Variants in NEK9 observed in about 807,000 individuals in gnomAD.
NEK9 encodes serine/threonine-protein kinase Nek9.
NEK9 carries 75 observed loss-of-function variants against 123.4 expected under a neutral mutation model. The observed-to-expected ratio is 0.61, with a 90% CI of 0.50 to 0.74. NEK9 has a LOEUF of 0.74. NEK9 is among the 30% of genes least tolerant of loss of function. The pLI is 0.00. For synonymous variants in NEK9, 438 were observed against 458.7 expected, an observed-to-expected ratio of 0.95 and a Z score of 0.58; for missense variants, 952 against 1,214.4, an observed-to-expected ratio of 0.78 and a Z score of 3.21.
intron 20 of NEK9, 82 bp from the exon 21 acceptor site, chr14:75,087,312 G>T: frequency 1.0e-6 from 1 of 971,110 alleles, no homozygotes. Context: ...AAGTGCAATC[G>T]GATTTTACTT....
Position 75,088,520 on chromosome 14 carries a change from G to A in NEK9, c.2564C>T (p.Ser855Phe). The A allele has an allele frequency of 6.2e-7, 1 of 1,614,082 alleles. No individual in the cohort carries two copies. The highest frequency in any genetic ancestry group is 2.2e-5 in the East Asian group (1 of 44,870). The change falls in exon 20 of 22, where the codon TCT becomes TTT. Residue 855 changes from serine to phenylalanine, a missense_variant. Ser to Phe is a radical substitution (Grantham distance 155). Around this residue, in one of 4 missense-constraint regions of NEK9, gnomAD observed 698 missense variants for 875.6 expected, o/e 0.80. Coordinates refer to ENST00000238616, the MANE Select transcript of NEK9 (RefSeq NM_033116.6). The stretch of plus-strand genomic sequence containing the variant: ...GGGTTTGTGTTCCAAAGGAGCTTCA[G>A]AGGCCACTTTGAGTCCTTGCAGCTC... The part of the protein sequence containing the change: ...YEELQGLKVA[S>F]EAPLEHKPQV...
At position 75,114,236 on chromosome 14, in the gene NEK9, T is replaced by C. The variant is rs1895053947; in HGVS notation, c.840A>G (p.Glu280=). Residue 280 remains glutamate (E), a synonymous_variant, in exon 7 of 22, where the codon GAA becomes GAG. Coordinates refer to ENST00000238616, the MANE Select transcript of NEK9 (RefSeq NM_033116.6). The part of the protein sequence containing the change: ...MEVDSSQYSL[E]LIQMVHSCLD... ...GGCACGAATGAACCATTTGGATCAA[T>C]TCCAAAGAGTACTGGCTAGAGTCAA... 6.2e-7 allele frequency: 1 copy of C among 1,613,864 alleles called. No homozygotes were observed.
intron 8 of NEK9, among the ~76,000 whole-genome samples, chr14:75,112,022 G>A (rs1232340290): frequency 3.3e-5 from 5 of 152,186 alleles, no homozygotes; most frequent in Admixed American, 3.3e-4. Flanking sequence ...AAACATAAAT[G>A]GAAGGTCATG....
chr14:75,105,388 G>T (rs1302194334), intron 13 of NEK9, among the ~76,000 whole-genome samples: 2 of 152,116 alleles, frequency 1.3e-5, no homozygotes, highest in East Asian at 1.9e-4. Flanking sequence ...CCCTCCAATG[G>T]GTAAGCCTGT....
At chr14:75,116,487 T>C in intron 6 of NEK9, 1 of 363,044 alleles carries the variant, frequency 2.8e-6, no homozygotes, top group Non-Finnish European at 5.7e-6. Flanking sequence ...TTTGCATTCT[T>C]TTACACGTTT....
At chr14:75,118,012 T>C (rs752281734) in intron 5 of NEK9, among the ~76,000 whole-genome samples, 1 of 152,188 alleles carries the variant, frequency 6.6e-6, no homozygotes, top group Non-Finnish European at 1.5e-5. Context: ...TCATTCCTTC[T>C]TTGCATTTAA....
At chr14:75,090,891 T>G (rs1208347072) in intron 19 of NEK9, among the ~76,000 whole-genome samples, 1 of 152,236 alleles carries the variant, frequency 6.6e-6, no homozygotes, top group Non-Finnish European at 1.5e-5. Flanking sequence ...TTACTTTCTG[T>G]ATCTCAACTT....
chr14:75,106,548 AACC>A lies in NEK9; in HGVS notation c.1479_1481del (p.Val494del). 6.2e-7 allele frequency: 1 copy of A among 1,614,052 alleles called. No individual in the cohort carries two copies. Among genetic ancestry groups the A allele is most frequent in the South Asian group, 1.1e-5 (1 of 91,072 alleles). ...AATAGACTTCCTTGTTTCGTGTCAG[AACC>A]ACCACATGATTATCTCCACAGGAGA... On this transcript the variant is annotated inframe_deletion, in exon 12 of 22. Transcript: ENST00000238616.
In NEK9 at chr14:75,091,346, T is replaced by G. The variant is rs1444371430; in HGVS notation, c.2366A>C (p.Glu789Ala). 1.2e-6 allele frequency: 2 copies of G among 1,614,108 alleles called. No homozygotes were observed. Among genetic ancestry groups the G allele is most frequent in the Non-Finnish European group, 1.7e-6 (2 of 1,180,016 alleles). ...RGTMEADRGM[E>A]GLISPTEAMG... ...GGCCTCTGTGGGACTGATTAAACCT[T>G]CCATTCCTCGGTCTGCTTCCATTGT... Residue 789 changes from glutamate to alanine, a missense_variant, in exon 19 of 22, where the codon GAA (glutamate) becomes GCA (alanine). Physicochemically the swap from Glu to Ala is moderately radical, Grantham distance 107. Around this residue, in one of 4 missense-constraint regions of NEK9, gnomAD observed 698 missense variants for 875.6 expected, o/e 0.80. Transcript: ENST00000238616.
intron 19 of NEK9, among the ~76,000 whole-genome samples, chr14:75,089,372 C>T (rs555772702): frequency 2.0e-5 from 3 of 151,064 alleles, no homozygotes; most frequent in Admixed American, 6.6e-5. Context: ...GGATTACAAG[C>T]GTGTACCACC....
intron 14 of NEK9, among the ~76,000 whole-genome samples, chr14:75,103,614 G>A (rs1347120539): frequency 6.6e-6 from 1 of 152,112 alleles, no homozygotes; most frequent in African/African-American, 2.4e-5. Context: ...AGTAGCCACA[G>A]TTTTGATTTC....
chr14:75,104,061 C>A, intron 13 of NEK9, 64 bp from the exon 14 acceptor site: 1 of 1,469,430 alleles, frequency 6.8e-7, no homozygotes, highest in South Asian at 1.3e-5. Flanking sequence ...AAAAAGCTCT[C>A]AAATTCTTTC....
intron 18 of NEK9, among the ~76,000 whole-genome samples, chr14:75,093,296 G>C (rs1894277814): frequency 6.6e-6 from 1 of 152,182 alleles, no homozygotes; most frequent in South Asian, 2.1e-4. Context: ...TGCTGAACTA[G>C]AGCATTACCT....
rs1893882080 is a variant in NEK9, at chr14:75,082,090, CATGCACAGGCTTACTG to C, written c.*2458_*2473del. 6.6e-6 allele frequency: 1 copy of C among 152,144 alleles called. No individual in the cohort carries two copies. The highest frequency in any genetic ancestry group is 2.4e-5 in the African/African-American group (1 of 41,436). The allele number at this position is 152,144 out of a possible 1,614,324, so 9.4% of individuals were successfully genotyped here. ...TGTTTTATCCCCAGAGACTAAGGTC[CATGCACAGGCTTACTG>C]AAGCACAGTACTGATTAAGAGCTTA... is the stretch of plus-strand genomic sequence containing the variant. On this transcript the variant is annotated 3_prime_UTR_variant, in exon 22 of 22. Transcript: ENST00000238616.
rs1893830594 is a variant in NEK9 at position 75,080,274 on chromosome 14, G to A, written c.*4290C>T. 1 of 150,430 alleles carries A rather than the reference G, an allele frequency of 6.6e-6. No homozygotes were observed. The highest frequency in any genetic ancestry group is 6.6e-5 in the Admixed American group (1 of 15,062). The allele number at this position is 150,430 out of a possible 1,614,324, so 9.3% of individuals were successfully genotyped here. On this transcript the variant is annotated 3_prime_UTR_variant, in exon 22 of 22. Transcript: ENST00000238616. ...GAACCCAGGAGGCAGAGGTTGCAGT[G>A]AGCTGAGATCGCGCCACTGCACTCC... is the stretch of plus-strand genomic sequence containing the variant.
chr14:75,101,599 G>C lies in NEK9; in HGVS notation c.1840+58C>G. ...TACATATAAAGAAAACCTAATACCT[G>C]ATAGAATAAAAGAGGCTCAGCTACT... On this transcript the variant is annotated intron_variant, in intron 15 of 21. Coordinates refer to ENST00000238616, the MANE Select transcript of NEK9 (RefSeq NM_033116.6). 2.5e-6 allele frequency: 3 copies of C among 1,190,146 alleles called. No individual in the cohort carries two copies. In the Admixed American group the frequency reaches 5.8e-5, roughly 23 times the overall value. 73.7% of individuals were successfully genotyped at this position (1,190,146 alleles called of 1,614,324 possible).
Position 75,082,304 on chromosome 14 carries a change from A to G in NEK9, c.*2260T>C, listed in dbSNP as rs1416817300. ...AACTTAAAACACCTAGCACTGCATA[A>G]AGAAAAAAAGCAGGACAAAATTTAA... is the stretch of plus-strand genomic sequence containing the variant. On this transcript the variant is annotated 3_prime_UTR_variant, in exon 22 of 22. Transcript: ENST00000238616. 1 of 152,226 alleles carries G rather than the reference A, an allele frequency of 6.6e-6. No individual in the cohort carries two copies. The highest frequency in any genetic ancestry group is 1.5e-5 in the Non-Finnish European group (1 of 68,050). The allele number at this position is 152,226 out of a possible 1,614,324, so 9.4% of individuals were successfully genotyped here.
intron 14 of NEK9, among the ~76,000 whole-genome samples, chr14:75,102,327 G>A (rs2139754757): frequency 6.6e-6 from 1 of 152,202 alleles, no homozygotes; most frequent in African/African-American, 2.4e-5. Flanking sequence ...TAGTAATTCT[G>A]AATATTGTTT....
Position 75,081,021 on chromosome 14 carries a change from G to C in NEK9, c.*3543C>G, listed in dbSNP as rs1395803028. ...TACCGTGGCGCAATCTCAGCTCACT[G>C]CAAACTCCGCCTCCTGGGTTCACGC... On this transcript the variant is annotated 3_prime_UTR_variant, in exon 22 of 22. Transcript: ENST00000238616. This position sits in a 1 kb window ranked among gnomAD's most constrained non-coding sequence, Gnocchi z 4.2. The C allele has an allele frequency of 6.6e-6, 1 of 151,082 alleles. No homozygotes were observed. Among genetic ancestry groups the C allele is most frequent in the Non-Finnish European group, 1.5e-5 (1 of 67,936 alleles). The allele number at this position is 151,082 out of a possible 1,614,324, so 9.4% of individuals were successfully genotyped here.
Sources: gnomAD v4.1 joint callset for allele counts (sites outside exome capture counted in the v4.1 genomes callset) on GRCh38, gnomAD v4.1.1 for gene constraint, gnomAD v4.1.1 regional missense constraint, Gnocchi (gnomAD v3.1) non-coding constraint, MANE v1.5 for transcripts, NCBI Gene and HGNC (gene_info 2026-07-23, HGNC 2026-07-21) for gene names.